ZNF696: variants seen among roughly 807,000 people sequenced by gnomAD.
ZNF696 encodes the protein zinc finger protein 696.
In ZNF696, 10 loss-of-function variants were observed where a neutral mutation model predicts 12.3. The ratio of observed to expected loss-of-function variants is 0.81; its 90% CI spans 0.50 to 1.38. The LOEUF is 1.38. Among genes scored for constraint, ZNF696 ranks in the 40% most tolerant of loss-of-function variants. The pLI is 0.00. For synonymous variants in ZNF696, 304 were observed against 243.9 expected (o/e 1.25, Z -2.29); for missense variants, 675 against 554.7 (o/e 1.22, Z -2.18).
At position 143,291,770 on chromosome 8, in the gene ZNF696, A is replaced by G; in HGVS notation, c.-31+3A>G. The G allele has an allele frequency of 3.0e-6, 3 of 985,444 alleles. No individual in the cohort carries two copies. The highest frequency in any genetic ancestry group is 3.6e-6 in the Non-Finnish European group (3 of 829,930). The allele number at this position is 985,444 out of a possible 1,614,324, so 61.0% of individuals were successfully genotyped here. A position where few individuals can be genotyped will look rare whatever the true frequency, so the allele number is the denominator to read the frequency against. Reference sequence around the variant, plus strand: ...GGCCTGTTCCCTAATTCTTGCCGGTAAGGTACTTGCAAAAATCTGCTTCCA... The same window carrying G: ...GGCCTGTTCCCTAATTCTTGCCGGTGAGGTACTTGCAAAAATCTGCTTCCA... On this transcript the variant is annotated splice_donor_region_variant and intron_variant, in intron 1 of 2. Transcript: ENST00000330143.
In ZNF696 at chr8:143,296,299, C is replaced by T. The variant is rs558259005; in HGVS notation, c.624C>T (p.Pro208=). The change falls in exon 3 of 3, where the codon CCC becomes CCT. Residue 208 remains proline (P), a synonymous_variant. Transcript: ENST00000330143. ...AGCGCGTGCACACGGGCGAGAAGCCCTACGCGTGCGCCGACTGCGGCAAGG... is the reference window on the plus strand; with the variant it reads ...AGCGCGTGCACACGGGCGAGAAGCCTTACGCGTGCGCCGACTGCGGCAAGG... ...RHQRVHTGEK[P]YACADCGKAF... 1.3e-6 allele frequency: 2 copies of T among 1,597,634 alleles called. No individual in the cohort carries two copies. Among genetic ancestry groups the T allele is most frequent in the Non-Finnish European group, 1.7e-6 (2 of 1,175,698 alleles).
At chr8:143,295,296 C>A (rs1305526575) in intron 2 of ZNF696, 1 of 455,150 alleles carries the variant, frequency 2.2e-6, no homozygotes, top group Non-Finnish European at 4.4e-6. Flanking sequence ...ACTGGGTGGG[C>A]CGAGGCTAGA....
chr8:143,296,743 C>T lies in ZNF696; in HGVS notation c.1068C>T (p.Arg356=), dbSNP rs756788033. The T allele has an allele frequency of 6.7e-7, 1 of 1,488,462 alleles. No homozygotes were observed. The highest frequency in any genetic ancestry group is 2.3e-5 in the Admixed American group (1 of 42,738). The allele number at this position is 1,488,462 out of a possible 1,614,324, so 92.2% of individuals were successfully genotyped here. ...EKPFRCTECG[R]AFRLSFHLIQ... ...CGTTCCGCTGCACCGAGTGCGGCCGCGCCTTCCGCCTGAGCTTCCACCTCA... is the reference window on the plus strand; with the variant it reads ...CGTTCCGCTGCACCGAGTGCGGCCGTGCCTTCCGCCTGAGCTTCCACCTCA... Residue 356 remains arginine (R), a synonymous_variant, in exon 3 of 3, where the codon CGC becomes CGT. Transcript: ENST00000330143.
intron 2 of ZNF696, 160 bp from the exon 3 acceptor site, chr8:143,295,580 T>A: frequency 7.3e-6 from 6 of 825,930 alleles, no homozygotes; most frequent in South Asian, 3.5e-5. Context: ...AGAAAAAAAC[T>A]AAAAAAAACG....
Position 143,296,414 on chromosome 8 carries a change from C to CGGA in ZNF696, c.739_740insGGA (p.Leu247delinsArgMet), listed in dbSNP as rs780442451. Reference sequence around the variant, plus strand: ...GTGCGGCGAGTGCGGGAAGCGCTTCCTGCACAGCTCGAACGTGGTCCGGCA... The same window carrying CGGA: ...GTGCGGCGAGTGCGGGAAGCGCTTCCGGATGCACAGCTCGAACGTGGTCCGGCA... On this transcript the variant is annotated protein_altering_variant, in exon 3 of 3. Coordinates refer to ENST00000330143, the MANE Select transcript of ZNF696 (RefSeq NM_030895.3). 6.3e-7 allele frequency: 1 copy of CGGA among 1,598,816 alleles called. No individual in the cohort carries two copies. The highest frequency in any genetic ancestry group is 8.5e-7 in the Non-Finnish European group (1 of 1,175,848).
intron 1 of ZNF696, 137 bp from the exon 2 acceptor site, chr8:143,292,835 G>A: frequency 1.5e-6 from 1 of 671,288 alleles, no homozygotes; most frequent in South Asian, 1.9e-5. Context: ...AGTGACAGGA[G>A]TGGGCCCAGC....
Position 143,296,654 on chromosome 8 carries a change from G to A in ZNF696, c.979G>A (p.Gly327Arg). 1 of 1,580,264 alleles carries A rather than the reference G, an allele frequency of 6.3e-7. No individual in the cohort carries two copies. The highest frequency in any genetic ancestry group is 1.7e-5 in the Admixed American group (1 of 57,182). The change falls in exon 3 of 3, where the codon GGG (glycine) becomes AGG (arginine). Residue 327 changes from glycine to arginine, a missense_variant. Coordinates refer to ENST00000330143, the MANE Select transcript of ZNF696 (RefSeq NM_030895.3). ...GAAGCCCCACCAGTGCGGCCACTGC[G>A]GGCGCGCGTTCCGGGCGCTGTCGGG... The part of the protein sequence containing the change: ...GEKPHQCGHC[G>R]RAFRALSGFF...
chr8:143,291,608 C>G lies in ZNF696; in HGVS notation c.-190C>G. 2.0e-6 allele frequency: 2 copies of G among 985,466 alleles called. No homozygotes were observed. Among genetic ancestry groups the G allele is most frequent in the Non-Finnish European group, 2.4e-6 (2 of 829,932 alleles). The allele number at this position is 985,466 out of a possible 1,614,324, so 61.0% of individuals were successfully genotyped here. A position where few individuals can be genotyped will look rare whatever the true frequency, so the allele number is the denominator to read the frequency against. On this transcript the variant is annotated 5_prime_UTR_variant, in exon 1 of 3. Transcript: ENST00000330143. ...GCGCGGCGTGGGGGAGGCGGCCCTG[C>G]AGGTGCGTACCCGGGGTCCGACACG...
At position 143,291,417 on chromosome 8, in the gene ZNF696, G is replaced by A. The variant is rs1310512572; in HGVS notation, c.-381G>A. On this transcript the variant is annotated 5_prime_UTR_variant, in exon 1 of 3. Coordinates refer to ENST00000330143, the MANE Select transcript of ZNF696 (RefSeq NM_030895.3). ...TCCGGCGCGCGACGGGGCGGGGACC[G>A]TAGCGGGTGCAGTCCAGCTGCTCTG... 1.0e-6 allele frequency: 1 copy of A among 986,136 alleles called. No homozygotes were observed. The highest frequency in any genetic ancestry group is 4.7e-5 in the South Asian group (1 of 21,472). The allele number at this position is 986,136 out of a possible 1,614,324, so 61.1% of individuals were successfully genotyped here. A position where few individuals can be genotyped will look rare whatever the true frequency, so the allele number is the denominator to read the frequency against.
intron 2 of ZNF696, among the ~76,000 whole-genome samples, chr8:143,294,151 C>A (rs1013476577): frequency 1.3e-5 from 2 of 152,234 alleles, no homozygotes; most frequent in African/African-American, 4.8e-5. Context: ...GCTCAGTTGC[C>A]AGCTTTCTCA....
At position 143,295,761 on chromosome 8, in the gene ZNF696, C is replaced by A; in HGVS notation, c.86C>A (p.Ala29Glu). The change falls in exon 3 of 3, where the codon GCG becomes GAG. Residue 29 changes from alanine (A) to glutamate (E), a missense_variant. Ala to Glu is a moderately radical substitution (Grantham distance 107, BLOSUM62 -1). Transcript: ENST00000330143. ...TCAGCTGTGAAGGCTGCTTTCCTGG[C>A]GCAGGCCCCGAGTGGCAGCCGGTCA... ...SLAAVKAAFLAQAPSGSRSAE... is the reference protein window; with the variant it reads ...SLAAVKAAFLEQAPSGSRSAE... 1 of 1,600,664 alleles carries A rather than the reference C, an allele frequency of 6.2e-7. No individual in the cohort carries two copies. The highest frequency in any genetic ancestry group is 1.3e-5 in the African/African-American group (1 of 74,722).
At position 143,296,204 on chromosome 8, in the gene ZNF696, G is replaced by C. The variant is rs757336518; in HGVS notation, c.529G>C (p.Gly177Arg). Residue 177 changes from glycine to arginine, a missense_variant, in exon 3 of 3, where the codon GGG becomes CGG. Transcript: ENST00000330143. ...HVVRHQRAHSGERPYACAECG... is the reference protein window; with the variant it reads ...HVVRHQRAHSRERPYACAECG... Reference sequence around the variant, plus strand: ...GGTCCGGCACCAGCGGGCGCACAGCGGGGAGAGGCCCTACGCGTGCGCCGA... The same window carrying C: ...GGTCCGGCACCAGCGGGCGCACAGCCGGGAGAGGCCCTACGCGTGCGCCGA... 1 of 1,596,090 alleles carries C rather than the reference G, an allele frequency of 6.3e-7. No homozygotes were observed.
Position 143,296,707 on chromosome 8 carries a change from G to T in ZNF696, c.1032G>T (p.Thr344=), listed in dbSNP as rs1278006461. ...TCTTCCGGCACCAGCGACTCCACACGGGCGAGAAGCCGTTCCGCTGCACCG... is the reference window on the plus strand; with the variant it reads ...TCTTCCGGCACCAGCGACTCCACACTGGCGAGAAGCCGTTCCGCTGCACCG... ...SGFFRHQRLH[T]GEKPFRCTEC... is the part of the protein sequence containing the mutation. Residue 344 remains threonine (T), a synonymous_variant, in exon 3 of 3, where the codon ACG becomes ACT. Coordinates refer to ENST00000330143, the MANE Select transcript of ZNF696 (RefSeq NM_030895.3). 3.9e-6 allele frequency: 6 copies of T among 1,557,866 alleles called. No homozygotes were observed. The highest frequency in any genetic ancestry group is 5.2e-6 in the Non-Finnish European group (6 of 1,160,442).
At chr8:143,295,482 C>T (rs1288817173) in intron 2 of ZNF696, 2 of 683,908 alleles carry the variant, frequency 2.9e-6, no homozygotes, top group Admixed American at 2.0e-5. Flanking sequence ...TGTGAGTCAC[C>T]ACATCCGGCC....
chr8:143,296,257 C>A lies in ZNF696; in HGVS notation c.582C>A (p.Phe194Leu). 6.3e-7 allele frequency: 1 copy of A among 1,596,774 alleles called. No homozygotes were observed. ...AECGKAFGQS[F>L]NLLRHQRVHT... The stretch of plus-strand genomic sequence containing the variant: ...GCGGCAAGGCCTTCGGCCAGAGCTT[C>A]AACCTCCTCCGGCACCAGCGCGTGC... The change falls in exon 3 of 3, where the codon TTC becomes TTA. Residue 194 changes from phenylalanine to leucine, a missense_variant. Coordinates refer to ENST00000330143, the MANE Select transcript of ZNF696 (RefSeq NM_030895.3).
intron 2 of ZNF696, chr8:143,295,516 C>A: frequency 1.4e-6 from 1 of 695,828 alleles, no homozygotes; most frequent in Admixed American, 2.0e-5. Flanking sequence ...TCTGGAGTGG[C>A]AGTGCAGGAT....
At chr8:143,292,416 A>G (rs1815638811) in intron 1 of ZNF696, 1 of 149,080 alleles carries the variant, frequency 6.7e-6, no homozygotes, top group Non-Finnish European at 1.5e-5. Flanking sequence ...GAATCTTTGC[A>G]TTGCACGTAT....
At chr8:143,295,719 C>G (rs1303696853) in intron 2 of ZNF696, 21 bp from the exon 3 acceptor site, 28 of 1,542,292 alleles carry the variant, frequency 1.8e-5, no homozygotes, top group South Asian at 2.5e-5. Flanking sequence ...TAAAATCGTT[C>G]CTGTCTGGCC....
In ZNF696 at chr8:143,296,626, G is replaced by A. The variant is rs1815721936; in HGVS notation, c.951G>A (p.Gly317=). Residue 317 remains glycine (G), a synonymous_variant, in exon 3 of 3, where the codon GGG becomes GGA. Transcript: ENST00000330143. The part of the protein sequence containing the change: ...FLREHRRIHT[G]EKPHQCGHCG... Reference sequence around the variant, plus strand: ...GCGAGCACCGCCGCATCCACACCGGGGAGAAGCCCCACCAGTGCGGCCACT... The same window carrying A: ...GCGAGCACCGCCGCATCCACACCGGAGAGAAGCCCCACCAGTGCGGCCACT... The A allele has an allele frequency of 1.3e-6, 2 of 1,585,782 alleles. No homozygotes were observed. Among genetic ancestry groups the A allele is most frequent in the Non-Finnish European group, 1.7e-6 (2 of 1,172,424 alleles).
Sources: gnomAD v4.1 joint callset for allele counts (sites outside exome capture counted in the v4.1 genomes callset) on GRCh38, gnomAD v4.1.1 for gene constraint, MANE v1.5 for transcripts, NCBI Gene and HGNC (gene_info 2026-07-23, HGNC 2026-07-21) for gene names.